TMEM209: variants seen among roughly 807,000 people sequenced by gnomAD.
TMEM209 encodes transmembrane protein 209.
TMEM209 carries 65 observed loss-of-function variants against 76.2 expected under a neutral mutation model. That is an observed-to-expected ratio of 0.85 (90% CI 0.70 to 1.05). The LOEUF (loss-of-function observed/expected upper bound fraction) is 1.05. Ranked by LOEUF, TMEM209 falls within the 50% of genes least tolerant of loss-of-function variation. The pLI is 0.00. For missense variants in TMEM209, 623 were observed against 685.5 expected (o/e 0.91, Z 1.02); for synonymous variants, 239 against 237.6 (o/e 1.01, Z -0.06).
chr7:130,182,634 G>A (rs7805463), intron 8 of TMEM209, among the ~76,000 whole-genome samples: 1,625 of 152,190 alleles, frequency 0.011, 37 homozygotes, highest in African/African-American at 0.037. Context: ...AAAGACTAAG[G>A]ATACATCCCA....
intron 3 of TMEM209, among the ~76,000 whole-genome samples, chr7:130,202,909 T>G (rs1418713146): frequency 6.6e-6 from 1 of 151,506 alleles, no homozygotes; most frequent in African/African-American, 2.4e-5. Context: ...GCCAACATAG[T>G]GAAACCCCAT....
chr7:130,178,314 T>C, intron 10 of TMEM209, 88 bp downstream of exon 10: 1 of 1,307,452 alleles, frequency 7.6e-7, no homozygotes, highest in Non-Finnish European at 1.0e-6. Flanking sequence ...ATACTTTTAA[T>C]TAAAAGTTTT....
intron 10 of TMEM209, among the ~76,000 whole-genome samples, chr7:130,177,549 C>T (rs1390824644): frequency 1.3e-5 from 2 of 151,688 alleles, no homozygotes; most frequent in Non-Finnish European, 2.9e-5. Context: ...CAGGGGGTCG[C>T]GGGAGGCTTA....
rs560767449 is a variant in TMEM209, at chr7:130,192,962, GAAC to G, written c.574-142_574-140del. On this transcript the variant is annotated intron_variant, in intron 5 of 14. Transcript: ENST00000397622. ...AACATCAAACGCTGATGAGGTTGTG[GAAC>G]AACAGAATCTCTCATTCTTTGCTGG... 5 of 751,780 alleles carry G rather than the reference GAAC, an allele frequency of 6.7e-6. No individual in the cohort carries two copies. In the South Asian group the frequency reaches 9.4e-5, roughly 14 times the overall value. The allele number at this position is 751,780 out of a possible 1,614,324, so 46.6% of individuals were successfully genotyped here. A position where few individuals can be genotyped will look rare whatever the true frequency, so the allele number is the denominator to read the frequency against.
At position 130,176,724 on chromosome 7, in the gene TMEM209, A is replaced by C. The variant is rs532420894; in HGVS notation, c.1247-1115T>G. On this transcript the variant is annotated intron_variant, in intron 10 of 14. Coordinates refer to ENST00000397622, the MANE Select transcript of TMEM209 (RefSeq NM_032842.4). ...AAGGTGAATGGGAAGCATATAGCTTAAAATAAACTGAAATAACCAATTGCA... is the reference window on the plus strand; with the variant it reads ...AAGGTGAATGGGAAGCATATAGCTTCAAATAAACTGAAATAACCAATTGCA... 3.9e-5 allele frequency among the ~76,000 whole-genome samples: 6 copies of C among 152,388 alleles called. No homozygotes were observed. The East Asian group carries it at 1.2e-3, about 29-fold the overall frequency.
chr7:130,197,503 G>T (rs968385984), intron 5 of TMEM209, among the ~76,000 whole-genome samples: 7 of 152,218 alleles, frequency 4.6e-5, no homozygotes, highest in African/African-American at 1.7e-4. Context: ...CATTGTTTCA[G>T]TGGGGAGATG....
In TMEM209 at chr7:130,170,910, C is replaced by G. The variant is rs569822178; in HGVS notation, c.1558-437G>C. Among the ~76,000 whole-genome samples, 43 of 151,584 alleles carry G rather than the reference C, an allele frequency of 2.8e-4. No individual in the cohort carries two copies. The South Asian group carries it at 5.9e-3, about 21-fold the overall frequency. ...GTGGTGTGATCTCAGCTCACCGCAA[C>G]CTCCATCTCCTGGGTTCACGTCATT... On this transcript the variant is annotated intron_variant, in intron 13 of 14. Transcript: ENST00000397622.
chr7:130,198,131 A>G (rs1798053853), intron 5 of TMEM209, among the ~76,000 whole-genome samples: 1 of 152,184 alleles, frequency 6.6e-6, no homozygotes, highest in African/African-American at 2.4e-5. Context: ...AGATTTGCCC[A>G]TTCTGAACAT....
intron 5 of TMEM209, among the ~76,000 whole-genome samples, chr7:130,198,320 AC>A (rs1798062074): frequency 6.6e-6 from 1 of 152,124 alleles, no homozygotes; most frequent in African/African-American, 2.4e-5. Context: ...ATTTTTTAAA[AC>A]AAAAATGGGT....
chr7:130,176,969 C>G (rs901629129), intron 10 of TMEM209, among the ~76,000 whole-genome samples: 1 of 147,944 alleles, frequency 6.8e-6, no homozygotes, highest in Non-Finnish European at 1.5e-5. Flanking sequence ...AGGAGCTATA[C>G]ACTCCTGCAC....
In TMEM209 at chr7:130,166,171, C is replaced by T. The variant is rs1302222063; in HGVS notation, c.*280G>A. On this transcript the variant is annotated 3_prime_UTR_variant, in exon 15 of 15. Coordinates refer to ENST00000397622, the MANE Select transcript of TMEM209 (RefSeq NM_032842.4). ...ATCTATTTCATTAAGGGGAATGGCA[C>T]TATTTTGAGTCAATAAAAATCCGAA... 1.2e-5 allele frequency: 3 copies of T among 260,110 alleles called. No individual in the cohort carries two copies. Among genetic ancestry groups the T allele is most frequent in the Admixed American group, 5.4e-5 (1 of 18,654 alleles). 16.1% of individuals were successfully genotyped at this position (260,110 alleles called of 1,614,324 possible).
intron 10 of TMEM209, among the ~76,000 whole-genome samples, chr7:130,177,720 T>C (rs1797285114): frequency 6.6e-6 from 1 of 152,138 alleles, no homozygotes; most frequent in Admixed American, 6.6e-5. Flanking sequence ...AAGAGGAGTG[T>C]GTATACTATT....
At position 130,164,991 on chromosome 7, in the gene TMEM209, T is replaced by C. The variant is rs1057008606; in HGVS notation, c.*1460A>G. The C allele has an allele frequency of 2.0e-5, 3 of 152,316 alleles. No homozygotes were observed. The South Asian group carries it at 6.2e-4, about 32-fold the overall frequency. The allele number at this position is 152,316 out of a possible 1,614,324, so 9.4% of individuals were successfully genotyped here. A position where few individuals can be genotyped will look rare whatever the true frequency, so the allele number is the denominator to read the frequency against. Reference sequence around the variant, plus strand: ...CTTTTTGAAAGACAGAATTTACAAATACAGAACTGTACTGACTTAAATTTG... The same window carrying C: ...CTTTTTGAAAGACAGAATTTACAAACACAGAACTGTACTGACTTAAATTTG... On this transcript the variant is annotated 3_prime_UTR_variant, in exon 15 of 15. Coordinates refer to ENST00000397622, the MANE Select transcript of TMEM209 (RefSeq NM_032842.4).
chr7:130,193,941 G>C (rs573495275), intron 5 of TMEM209, among the ~76,000 whole-genome samples: 1 of 152,090 alleles, frequency 6.6e-6, no homozygotes, highest in East Asian at 1.9e-4. Flanking sequence ...ACTCACGCTT[G>C]TAGTCCCAGC....
At chr7:130,191,697 A>G (rs1186186910) in intron 6 of TMEM209, among the ~76,000 whole-genome samples, 1 of 152,194 alleles carries the variant, frequency 6.6e-6, no homozygotes, top group African/African-American at 2.4e-5. Context: ...TCCAAACAAT[A>G]ATAATATTAC....
At position 130,204,856 on chromosome 7, in the gene TMEM209, G is replaced by A. The variant is rs557256193; in HGVS notation, c.3+517C>T. The stretch of plus-strand genomic sequence containing the variant: ...CATAAAGACTGTTGTACATCCTCAT[G>A]CAGACGCCATTACTATCTCAACAAC... On this transcript the variant is annotated intron_variant, in intron 1 of 14. Transcript: ENST00000397622. 1.0e-3 allele frequency: 847 copies of A among 807,726 alleles called. 1 individual carries two copies. Among genetic ancestry groups the A allele is most frequent in the Non-Finnish European group, 1.2e-3 (812 of 659,740 alleles). The allele number at this position is 807,726 out of a possible 1,614,324, so 50.0% of individuals were successfully genotyped here.
chr7:130,202,519 A>G lies in TMEM209; in HGVS notation c.331+13T>C, dbSNP rs1251623658. On this transcript the variant is annotated intron_variant, in intron 4 of 14. Transcript: ENST00000397622. ...CCTTTTCCCCACCTTTGCAAGAGATATAAAACACTCACCAGCTGTTTTCAA... is the reference window on the plus strand; with the variant it reads ...CCTTTTCCCCACCTTTGCAAGAGATGTAAAACACTCACCAGCTGTTTTCAA... 2 of 1,598,546 alleles carry G rather than the reference A, an allele frequency of 1.3e-6. No individual in the cohort carries two copies. The highest frequency in any genetic ancestry group is 8.5e-7 in the Non-Finnish European group (1 of 1,174,900).
In TMEM209 at chr7:130,192,823, A is replaced by G. The variant is rs780031713; in HGVS notation, c.574T>C (p.Leu192=). ...GGAGGAGAGGGGCTAAAGCTCGCCA[A>G]CTATACAAAATAAAAGATCTTTACT... ...TYSPVSGYNK[L]ASFSPSPPSP... is the part of the protein sequence containing the mutation. The change falls in exon 6 of 15, where the codon TTG becomes CTG. Residue 192 remains leucine (L), a splice_region_variant and synonymous_variant. Transcript: ENST00000397622. 6.2e-7 allele frequency: 1 copy of G among 1,613,170 alleles called. No homozygotes were observed. Among genetic ancestry groups the G allele is most frequent in the East Asian group, 2.2e-5 (1 of 44,876 alleles).
chr7:130,178,636 G>A, intron 9 of TMEM209, 109 bp from the exon 10 acceptor site: 1 of 1,305,894 alleles, frequency 7.7e-7, no homozygotes, highest in Non-Finnish European at 1.0e-6. Context: ...ACTACCTTCA[G>A]GTCTTCATAC....
Sources: allele counts gnomAD v4.1 joint callset (sites outside exome capture counted in the v4.1 genomes callset), GRCh38; gene constraint gnomAD v4.1.1; transcripts MANE v1.5; gene names NCBI Gene and HGNC (gene_info 2026-07-23, HGNC 2026-07-21).